The following VAV3 variants were observed in gnomAD, a reference collection of about 807,000 sequenced individuals.
VAV3 encodes vav guanine nucleotide exchange factor 3, also known as guanine nucleotide exchange factor VAV3.
In VAV3, 94 loss-of-function variants were observed where a neutral mutation model predicts 131.2. The ratio of observed to expected loss-of-function variants is 0.72; its 90% CI spans 0.61 to 0.85. The LOEUF is 0.85. VAV3 is among the 40% of genes least tolerant of loss of function. The pLI, the probability that VAV3 is intolerant of heterozygous loss-of-function variation, is 0.00. For missense variants in VAV3, 939 were observed against 1,002.7 expected, an observed-to-expected ratio of 0.94 and a Z score of 0.86; for synonymous variants, 349 against 342.0, an observed-to-expected ratio of 1.02 and a Z score of -0.22.
At chr1:107,581,502 A>G in intron 25 of VAV3, among the ~76,000 whole-genome samples, 1 of 152,228 alleles carries the variant, frequency 6.6e-6, no homozygotes, top group East Asian at 1.9e-4. Flanking sequence ...ACCTAATATA[A>G]ATAGAAGTTA....
At chr1:107,627,353 T>C (rs993797696) in intron 20 of VAV3, among the ~76,000 whole-genome samples, 3 of 152,174 alleles carry the variant, frequency 2.0e-5, no homozygotes, top group Non-Finnish European at 2.9e-5. Flanking sequence ...GAATTGATCA[T>C]TTGCATTTTT....
intron 2 of VAV3, among the ~76,000 whole-genome samples, chr1:107,814,843 A>G (rs754519379): frequency 6.6e-6 from 1 of 152,228 alleles, no homozygotes; most frequent in African/African-American, 2.4e-5. Flanking sequence ...GAGAACAAGG[A>G]AAGAGAGATT....
chr1:107,587,332 G>C (rs1227510276), intron 25 of VAV3, among the ~76,000 whole-genome samples: 1 of 152,076 alleles, frequency 6.6e-6, no homozygotes, highest in Non-Finnish European at 1.5e-5. Flanking sequence ...GATTCAGCAG[G>C]GAAAATCAAA....
intron 15 of VAV3, among the ~76,000 whole-genome samples, chr1:107,723,221 A>T (rs1236293469): frequency 6.6e-6 from 1 of 152,164 alleles, no homozygotes; most frequent in East Asian, 1.9e-4. Context: ...CAGTAACAAC[A>T]AAAAGAGAGC....
intron 1 of VAV3, among the ~76,000 whole-genome samples, chr1:107,898,374 G>C (rs991941398): frequency 7.9e-5 from 12 of 152,056 alleles, no homozygotes; most frequent in African/African-American, 2.9e-4. Context: ...ATAAATGTGA[G>C]AAAAAATAAC....
chr1:107,710,605 G>A (rs1311156631), intron 15 of VAV3, among the ~76,000 whole-genome samples: 1 of 152,022 alleles, frequency 6.6e-6, no homozygotes, highest in Non-Finnish European at 1.5e-5. Context: ...GATACAACAA[G>A]TTGGCTCTCT....
chr1:107,941,088 G>A (rs1487021763), intron 1 of VAV3, among the ~76,000 whole-genome samples: 1 of 152,000 alleles, frequency 6.6e-6, no homozygotes, highest in East Asian at 1.9e-4. Flanking sequence ...ACTTTGCAAA[G>A]TGTCTTCTCC....
Position 107,930,249 on chromosome 1 carries a change from ATTACACATTG to A in VAV3, c.204+34407_204+34416del, listed in dbSNP as rs1423576770. On this transcript the variant is annotated intron_variant, in intron 1 of 26. Transcript: ENST00000370056. ...ATACCCCATGTACTCTGATGTGATT[ATTACACATTG>A]CATGCCTATATCAAAATATCTCATG... is the stretch of plus-strand genomic sequence containing the variant. 2.0e-5 allele frequency among the ~76,000 whole-genome samples: 3 copies of A among 152,222 alleles called. No individual in the cohort carries two copies. In the East Asian group the frequency reaches 5.8e-4, roughly 29 times the overall value.
chr1:107,793,962 C>T (rs536795964), intron 2 of VAV3, among the ~76,000 whole-genome samples: 3 of 152,224 alleles, frequency 2.0e-5, no homozygotes, highest in South Asian at 4.1e-4. Context: ...ATCCCAGAGA[C>T]GCAGATCTAG....
chr1:107,643,715 T>C (rs1655522537), intron 19 of VAV3, among the ~76,000 whole-genome samples: 1 of 152,190 alleles, frequency 6.6e-6, no homozygotes, highest in African/African-American at 2.4e-5. Flanking sequence ...CATTCAGTTC[T>C]AGATGTCCAA....
chr1:107,728,475 T>C (rs1240857064), intron 15 of VAV3, among the ~76,000 whole-genome samples: 1 of 152,020 alleles, frequency 6.6e-6, no homozygotes, highest in African/African-American at 2.4e-5. Flanking sequence ...GATCTATCTA[T>C]AAAATAGCAG....
intron 2 of VAV3, among the ~76,000 whole-genome samples, chr1:107,789,694 A>T (rs999129347): frequency 4.6e-5 from 7 of 152,254 alleles, no homozygotes; most frequent in Admixed American, 3.3e-4. Flanking sequence ...TGTAAGTCAC[A>T]TACATAACTT....
At chr1:107,832,442 A>G (rs1313151552) in intron 2 of VAV3, among the ~76,000 whole-genome samples, 3 of 152,198 alleles carry the variant, frequency 2.0e-5, no homozygotes, top group African/African-American at 7.2e-5. Flanking sequence ...AACAGTCTGA[A>G]CAATGACCTG....
At position 107,578,871 on chromosome 1, in the gene VAV3, C is replaced by T. The variant is rs932713605; in HGVS notation, c.2351-4673G>A. On this transcript the variant is annotated intron_variant, in intron 25 of 26. Transcript: ENST00000370056. Reference sequence around the variant, plus strand: ...TTTACACCAAGAGTCTGGAATATAACAAGAGATAAGTTAGCTCTAGAAGAG... The same window carrying T: ...TTTACACCAAGAGTCTGGAATATAATAAGAGATAAGTTAGCTCTAGAAGAG... The T allele has an allele frequency of 4.8e-5, 47 of 985,052 alleles. No homozygotes were observed. The African/African-American group carries it at 8.0e-4, about 17-fold the overall frequency. The allele number at this position is 985,052 out of a possible 1,614,324, so 61.0% of individuals were successfully genotyped here.
chr1:107,783,071 G>C (rs1403560547), intron 2 of VAV3, among the ~76,000 whole-genome samples: 2 of 152,146 alleles, frequency 1.3e-5, no homozygotes, highest in Non-Finnish European at 2.9e-5. Context: ...CCTTTGGTGA[G>C]TAAGAAGAGT....
chr1:107,763,707 A>C (rs1304864665), intron 9 of VAV3, among the ~76,000 whole-genome samples: 1 of 152,180 alleles, frequency 6.6e-6, no homozygotes. Flanking sequence ...TAAGATATAA[A>C]GCAAAAAGAT....
intron 19 of VAV3, among the ~76,000 whole-genome samples, chr1:107,671,447 T>G (rs961499389): frequency 5.3e-5 from 8 of 152,216 alleles, no homozygotes; most frequent in Non-Finnish European, 1.0e-4. Flanking sequence ...AAATTAGAAC[T>G]TGAAAGTGTA....
chr1:107,587,197 C>T (rs547047469), intron 25 of VAV3, among the ~76,000 whole-genome samples: 10 of 151,896 alleles, frequency 6.6e-5, no homozygotes, highest in Non-Finnish European at 8.8e-5. Context: ...GTTGAATGCA[C>T]GAAGCAATGA....
chr1:107,908,278 C>T (rs994076357), intron 1 of VAV3, among the ~76,000 whole-genome samples: 5 of 152,192 alleles, frequency 3.3e-5, no homozygotes, highest in African/African-American at 1.2e-4. Context: ...GTGATGTATA[C>T]ATGGCTTCTG....
Sources: allele counts gnomAD v4.1 joint callset (sites outside exome capture counted in the v4.1 genomes callset), GRCh38; gene constraint gnomAD v4.1.1; transcripts MANE v1.5; gene names NCBI Gene and HGNC (gene_info 2026-07-23, HGNC 2026-07-21).